The following TLK1 variants were observed in gnomAD, a reference collection of about 807,000 sequenced individuals.
TLK1 encodes serine/threonine-protein kinase tousled-like 1.
TLK1 carries 24 observed loss-of-function variants against 105.3 expected under a neutral mutation model. That is an observed-to-expected ratio of 0.23 (90% CI 0.17 to 0.32). The LOEUF (loss-of-function observed/expected upper bound fraction) is 0.32. TLK1 is among the 10% of genes least tolerant of loss of function. The pLI, the probability that TLK1 is intolerant of heterozygous loss-of-function variation, is 1.00. For missense variants in TLK1, 558 were observed against 910.5 expected, an observed-to-expected ratio of 0.61 and a Z score of 4.98; for synonymous variants, 321 against 310.4, an observed-to-expected ratio of 1.03 and a Z score of -0.36.
intron 1 of TLK1, among the ~76,000 whole-genome samples, chr2:171,187,256 C>T: frequency 6.6e-6 from 1 of 151,888 alleles, no homozygotes; most frequent in East Asian, 1.9e-4. Context: ...TTTTGGCATC[C>T]ACTCCTAGGA....
chr2:171,129,956 T>C (rs1219752717), intron 1 of TLK1, among the ~76,000 whole-genome samples: 1 of 152,196 alleles, frequency 6.6e-6, no homozygotes, highest in African/African-American at 2.4e-5. Context: ...AACATCATCT[T>C]TACCATATCC....
At chr2:171,208,870 A>T (rs898301496) in intron 1 of TLK1, among the ~76,000 whole-genome samples, 3 of 152,232 alleles carry the variant, frequency 2.0e-5, no homozygotes, top group Non-Finnish European at 4.4e-5. Flanking sequence ...TGACTCAACA[A>T]TTCCACTTCT....
At chr2:171,122,304 CT>C (rs1451610932) in intron 1 of TLK1, among the ~76,000 whole-genome samples, 4 of 152,160 alleles carry the variant, frequency 2.6e-5, no homozygotes, top group African/African-American at 9.7e-5. Flanking sequence ...TCAAGAGCCC[CT>C]GGTGTAATTC....
At chr2:171,093,125 T>C (rs1689306384) in intron 2 of TLK1, among the ~76,000 whole-genome samples, 2 of 152,210 alleles carry the variant, frequency 1.3e-5, no homozygotes, top group African/African-American at 4.8e-5. Context: ...ACTGTTTTGA[T>C]TTCTTATAAT....
At chr2:171,047,124 T>C (rs981899334) in intron 10 of TLK1, among the ~76,000 whole-genome samples, 4 of 152,176 alleles carry the variant, frequency 2.6e-5, no homozygotes, top group African/African-American at 9.6e-5. Context: ...ATGCTTCCCA[T>C]TCAAGAAACT....
intron 1 of TLK1, among the ~76,000 whole-genome samples, chr2:171,131,019 CT>C (rs71401405): frequency 0.26 from 39,795 of 151,766 alleles, 5,458 homozygotes; most frequent in Middle Eastern, 0.35. Flanking sequence ...TATCTGCAAC[CT>C]TAACGGACAC....
chr2:171,051,022 A>G (rs955682230), intron 8 of TLK1, among the ~76,000 whole-genome samples: 3 of 152,248 alleles, frequency 2.0e-5, no homozygotes, highest in African/African-American at 7.2e-5. Flanking sequence ...AAGTGCTGAG[A>G]GAAAAGAATT....
chr2:171,031,005 C>T (rs537637645), intron 11 of TLK1, among the ~76,000 whole-genome samples: 17 of 106,196 alleles, frequency 1.6e-4, no homozygotes, highest in Non-Finnish European at 3.0e-4. Flanking sequence ...TGATTCTTAC[C>T]ATTTTACAAT....
intron 3 of TLK1, among the ~76,000 whole-genome samples, chr2:171,081,210 G>A (rs1370563534): frequency 6.6e-6 from 1 of 152,102 alleles, no homozygotes; most frequent in Non-Finnish European, 1.5e-5. Flanking sequence ...TTCTCTTATA[G>A]ACTAATTCCT....
At chr2:171,043,712 G>C (rs960204048) in intron 11 of TLK1, among the ~76,000 whole-genome samples, 1 of 152,096 alleles carries the variant, frequency 6.6e-6, no homozygotes, top group Non-Finnish European at 1.5e-5. Context: ...GCATCTACAG[G>C]GTAGAGTTAA....
At chr2:171,057,885 T>A (rs556271531) in intron 5 of TLK1, among the ~76,000 whole-genome samples, 1 of 152,096 alleles carries the variant, frequency 6.6e-6, no homozygotes, top group Non-Finnish European at 1.5e-5. Context: ...AGTTTCATCA[T>A]CTGTAAACTG....
chr2:171,059,432 A>G (rs533348540), intron 4 of TLK1, among the ~76,000 whole-genome samples: 46 of 152,286 alleles, frequency 3.0e-4, no homozygotes, highest in Non-Finnish European at 5.7e-4. Context: ...TCACCTTCTT[A>G]TTAGAAATCC....
intron 11 of TLK1, among the ~76,000 whole-genome samples, chr2:171,041,638 T>C (rs1686682057): frequency 6.6e-6 from 1 of 152,160 alleles, no homozygotes. Flanking sequence ...CAATGCCTGA[T>C]TATCTGAGGT....
At chr2:171,109,252 T>G (rs1244763713) in intron 2 of TLK1, among the ~76,000 whole-genome samples, 3 of 152,208 alleles carry the variant, frequency 2.0e-5, no homozygotes, top group Non-Finnish European at 4.4e-5. Flanking sequence ...CAGGGACTGA[T>G]GTCATACAAA....
At chr2:171,154,773 T>C (rs1191059420) in intron 1 of TLK1, among the ~76,000 whole-genome samples, 12 of 152,242 alleles carry the variant, frequency 7.9e-5, no homozygotes, top group South Asian at 2.1e-4. Context: ...TGAAACTACA[T>C]GACTGATTTC....
intron 2 of TLK1, among the ~76,000 whole-genome samples, chr2:171,114,263 C>A (rs1182947095): frequency 6.6e-6 from 1 of 152,132 alleles, no homozygotes; most frequent in Non-Finnish European, 1.5e-5. Context: ...ATGATACACA[C>A]ACCCTAAACT....
intron 1 of TLK1, among the ~76,000 whole-genome samples, chr2:171,193,698 G>C (rs928590405): frequency 8.1e-6 from 1 of 123,694 alleles, no homozygotes; most frequent in African/African-American, 3.2e-5. Context: ...ACAGCGCCTG[G>C]CATTTTTTTT....
intron 1 of TLK1, among the ~76,000 whole-genome samples, chr2:171,123,791 G>A (rs996360939): frequency 2.6e-5 from 4 of 152,144 alleles, no homozygotes; most frequent in Admixed American, 6.6e-5. Context: ...CAGCCTGGGC[G>A]CAGAATGAGA....
At chr2:171,221,151 G>C (rs1693803489) in intron 1 of TLK1, among the ~76,000 whole-genome samples, 1 of 152,132 alleles carries the variant, frequency 6.6e-6, no homozygotes, top group African/African-American at 2.4e-5. Context: ...GCACATTTCT[G>C]GTTTTGTCAT....
Sources: gnomAD v4.1 joint callset for allele counts (sites outside exome capture counted in the v4.1 genomes callset) on GRCh38, gnomAD v4.1.1 for gene constraint, MANE v1.5 for transcripts, NCBI Gene and HGNC (gene_info 2026-07-23, HGNC 2026-07-21) for gene names.